ATG16L2: variants seen among roughly 807,000 people sequenced by gnomAD.
ATG16L2 encodes autophagy related 16 like 2.
A neutral mutation model predicts 84.7 loss-of-function variants in ATG16L2; 77 were observed. The ratio of observed to expected loss-of-function variants is 0.91; its 90% CI spans 0.76 to 1.10. The LOEUF is 1.10. ATG16L2 is among the 50% of genes least tolerant of loss of function. The pLI is 0.00. For missense variants in ATG16L2, 782 were observed against 817.6 expected, an observed-to-expected ratio of 0.96 and a Z score of 0.53; for synonymous variants, 361 against 342.8, an observed-to-expected ratio of 1.05 and a Z score of -0.59.
chr11:72,815,516 C>G (rs1222438704), intron 1 of ATG16L2, among the ~76,000 whole-genome samples: 1 of 152,092 alleles, frequency 6.6e-6, no homozygotes, highest in Non-Finnish European at 1.5e-5. Context: ...CCCCTGCCCC[C>G]CGCCCCGACC....
chr11:72,829,623 A>T lies in ATG16L2; in HGVS notation c.*233A>T. The T allele has an allele frequency of 7.4e-7, 1 of 1,346,736 alleles. No individual in the cohort carries two copies. The highest frequency in any genetic ancestry group is 1.8e-5 in the South Asian group (1 of 55,924). 83.4% of individuals were successfully genotyped at this position (1,346,736 alleles called of 1,614,324 possible). ...CACTTTTTCTCCCAAAGTAGAAAAA[A>T]ATGATATCTGAACTGCGTCTGCCTA... On this transcript the variant is annotated 3_prime_UTR_variant, in exon 18 of 18. Coordinates refer to ENST00000321297, the MANE Select transcript of ATG16L2 (RefSeq NM_033388.2).
At chr11:72,821,179 C>T (rs1859970349) in intron 3 of ATG16L2, 2 of 977,004 alleles carry the variant, frequency 2.0e-6, no homozygotes, top group Non-Finnish European at 2.4e-6. Context: ...ACCTCTCTGT[C>T]GGTGTCCTTG....
chr11:72,822,890 G>T lies in ATG16L2; in HGVS notation c.753G>T (p.Glu251Asp). Residue 251 changes from glutamate to aspartate, a missense_variant, in exon 7 of 18, where the codon GAG (glutamate) becomes GAT (aspartate). Physicochemically the swap from Glu to Asp is conservative, Grantham distance 45 (BLOSUM62 2). Transcript: ENST00000321297. This position sits in a 1 kb window ranked among gnomAD's most constrained non-coding sequence, Gnocchi z 4.2. ...TLGDGMRERR[E>D]TLALAPEPEP... ...GCGATGGGATGAGGGAGAGAAGGGA[G>T]ACTCTGGCTCTGGCCCCTGAGCCAG... 1 of 1,577,656 alleles carries T rather than the reference G, an allele frequency of 6.3e-7. No homozygotes were observed. Among genetic ancestry groups the T allele is most frequent in the Non-Finnish European group, 8.6e-7 (1 of 1,161,178 alleles).
Position 72,829,430 on chromosome 11 carries a change from A to T in ATG16L2, c.*40A>T, listed in dbSNP as rs1860552018. 6.3e-7 allele frequency: 1 copy of T among 1,594,972 alleles called. No homozygotes were observed. The highest frequency in any genetic ancestry group is 8.6e-7 in the Non-Finnish European group (1 of 1,168,922). The stretch of plus-strand genomic sequence containing the variant: ...TGCCTGGGCTGGAGCTCTTGCCCGA[A>T]GCCTGAAGCTTCCTTCGGCGCCATG... On this transcript the variant is annotated 3_prime_UTR_variant, in exon 18 of 18. Coordinates refer to ENST00000321297, the MANE Select transcript of ATG16L2 (RefSeq NM_033388.2).
At chr11:72,826,951 C>A in intron 13 of ATG16L2, 128 bp downstream of exon 13, 1 of 1,117,016 alleles carries the variant, frequency 9.0e-7, no homozygotes, top group South Asian at 1.5e-5. Flanking sequence ...TGAAACCTCT[C>A]AAGGCCCTCC....
At chr11:72,840,783 A>T in intron 5 of ATG16L2, 1 of 881,926 alleles carries the variant, frequency 1.1e-6, no homozygotes, top group Non-Finnish European at 1.8e-6. Context: ...TGGCATAGTC[A>T]GTAACAACAC....
At position 72,822,806 on chromosome 11, in the gene ATG16L2, G is replaced by T; in HGVS notation, c.711-42G>T. 1 of 1,449,666 alleles carries T rather than the reference G, an allele frequency of 6.9e-7. No individual in the cohort carries two copies. The highest frequency in any genetic ancestry group is 2.2e-5 in the Admixed American group (1 of 44,864). The allele number at this position is 1,449,666 out of a possible 1,614,324, so 89.8% of individuals were successfully genotyped here. ...CCTGTGCTGGGGTCGGGAGGGGCTGGCTTGGTCCCTTGGCCTTTCTGAACT... is the reference window on the plus strand; with the variant it reads ...CCTGTGCTGGGGTCGGGAGGGGCTGTCTTGGTCCCTTGGCCTTTCTGAACT... On this transcript the variant is annotated intron_variant, in intron 6 of 17. Coordinates refer to ENST00000321297, the MANE Select transcript of ATG16L2 (RefSeq NM_033388.2). This position sits in a 1 kb window ranked among gnomAD's most constrained non-coding sequence, Gnocchi z 4.2.
chr11:72,827,417 G>A lies in ATG16L2; in HGVS notation c.1472+124G>A, dbSNP rs1458402206. The A allele has an allele frequency of 4.0e-6, 3 of 749,674 alleles. No individual in the cohort carries two copies. In the East Asian group the frequency reaches 7.8e-5, roughly 20 times the overall value. 46.4% of individuals were successfully genotyped at this position (749,674 alleles called of 1,614,324 possible). On this transcript the variant is annotated intron_variant, in intron 14 of 17. Coordinates refer to ENST00000321297, the MANE Select transcript of ATG16L2 (RefSeq NM_033388.2). ...GCACTTTGGGCAGGCAAGGCTGTGG[G>A]GCTGGCACTGCCAGCTAGTGCCTCT...
chr11:72,814,539 CT>C lies in ATG16L2; in HGVS notation c.98del (p.Phe33SerfsTer12). 3 of 1,577,988 alleles carry C rather than the reference CT, an allele frequency of 1.9e-6. No homozygotes were observed. The highest frequency in any genetic ancestry group is 1.7e-6 in the Non-Finnish European group (2 of 1,161,286). On this transcript the variant is annotated frameshift_variant, in exon 1 of 18. Coordinates refer to ENST00000321297, the MANE Select transcript of ATG16L2 (RefSeq NM_033388.2). LOFTEE classifies it high-confidence loss of function. ...GCTTCGGGACCGTACGCAAAAGGCG[CT>C]TTTCCTGGAGCTGGTGCCGGCCTGT... ...LRLRDRTQKALFLELVPAYNH... is the reference protein window; with the variant it reads ...LRLRDRTQKAXFLELVPAYNH...
At chr11:72,820,470 T>G (rs1376389628) in intron 3 of ATG16L2, 1 of 152,194 alleles carries the variant, frequency 6.6e-6, no homozygotes, top group Non-Finnish European at 1.5e-5. Context: ...AAATATTGAA[T>G]GGTACAACAC....
At chr11:72,816,858 GGCTGCCTGTGCTGGGGCCCTGCCCCT>G (rs1472259891) in intron 2 of ATG16L2, 31 bp downstream of exon 2, 5 of 1,583,892 alleles carry the variant, frequency 3.2e-6, no homozygotes, top group Non-Finnish European at 8.7e-7. Context: ...GGTCACAAAG[GGCTGCCTGTGCTGGGGCCCTGCCCCT>G]GCTGCCTGTG....
rs930587061 is a variant in ATG16L2, at chr11:72,828,228, C to T, written c.1473-131C>T. 4 of 997,654 alleles carry T rather than the reference C, an allele frequency of 4.0e-6. No homozygotes were observed. In the Admixed American group the frequency reaches 7.4e-5, roughly 18 times the overall value. 61.8% of individuals were successfully genotyped at this position (997,654 alleles called of 1,614,324 possible). A position where few individuals can be genotyped will look rare whatever the true frequency, so the allele number is the denominator to read the frequency against. On this transcript the variant is annotated intron_variant, in intron 14 of 17. Transcript: ENST00000321297. ...GGAGATGAGTCACTCGCAGCCTTTA[C>T]CCCAGCGATCCAGGGCCCTGGGGTT...
intron 17 of ATG16L2, 27 bp from the exon 18 acceptor site, chr11:72,829,276 C>A (rs767176019): frequency 1.9e-6 from 3 of 1,610,462 alleles, no homozygotes; most frequent in South Asian, 1.1e-5. Flanking sequence ...TGAAGCCCCC[C>A]TGAAGCCTGC....
At chr11:72,842,797 C>G in exon 6 of ATG16L2, 1 of 1,613,938 alleles carries the variant, frequency 6.2e-7, no homozygotes, top group Non-Finnish European at 8.5e-7. Context: ...GATAACTCAT[C>G]ATCTGTCTGG....
At chr11:72,831,122 T>C (rs1051739234), downstream of ATG16L2, among the ~76,000 whole-genome samples, 5 of 152,258 alleles carry the variant, frequency 3.3e-5, no homozygotes, top group South Asian at 2.1e-4. Flanking sequence ...GTCAAGGAAC[T>C]CTTGGAAGAG....
At chr11:72,843,163 C>T (rs1292466689) in exon 6 of ATG16L2, 3 of 1,613,852 alleles carry the variant, frequency 1.9e-6, no homozygotes, top group East Asian at 2.2e-5. Flanking sequence ...CTGGCATCTC[C>T]GTTGAGGCTG....
At chr11:72,830,580 C>G (rs1860584685), downstream of ATG16L2, among the ~76,000 whole-genome samples, 1 of 152,194 alleles carries the variant, frequency 6.6e-6, no homozygotes, top group African/African-American at 2.4e-5. Context: ...AGCAATCCTC[C>G]CACCTGGTCT....
At chr11:72,843,539 T>C (rs1200381457) in exon 6 of ATG16L2, 1 of 1,608,156 alleles carries the variant, frequency 6.2e-7, no homozygotes, top group Admixed American at 1.7e-5. Context: ...AAGCCTGCAG[T>C]GTAGGATGGT....
chr11:72,821,725 C>T lies in ATG16L2; in HGVS notation c.376C>T (p.Gln126Ter). 1 of 1,537,446 alleles carries T rather than the reference C, an allele frequency of 6.5e-7. No homozygotes were observed. ...AALGTLESEL[Q>*]QRQSRLAALE... ...CCTGGGCACGCTGGAGTCGGAGCTG[C>T]AGCAGAGGCAAAGCAGGTGAGGCGC... The change falls in exon 4 of 18, where the codon CAG becomes TAG. Residue 126 changes from glutamine (Q) to a stop codon, truncating the protein, a stop_gained. Coordinates refer to ENST00000321297, the MANE Select transcript of ATG16L2 (RefSeq NM_033388.2). LOFTEE classifies it high-confidence loss of function.
Sources: allele counts gnomAD v4.1 joint callset (sites outside exome capture counted in the v4.1 genomes callset), GRCh38; gene constraint gnomAD v4.1.1; non-coding constraint Gnocchi (gnomAD v3.1); transcripts MANE v1.5; gene names NCBI Gene and HGNC (gene_info 2026-07-23, HGNC 2026-07-21).